The following LRRC20 variants were observed in gnomAD, a reference collection of about 807,000 sequenced individuals.
LRRC20 encodes the protein leucine-rich repeat-containing protein 20.
A neutral mutation model predicts 14.4 loss-of-function variants in LRRC20; 11 were observed. The ratio of observed to expected loss-of-function variants is 0.77; its 90% CI spans 0.48 to 1.27. The LOEUF is 1.27. Among genes scored for constraint, LRRC20 ranks in the 50% most tolerant of loss-of-function variants. The probability of loss-of-function intolerance (pLI) is 0.00; values close to 1 mark genes in which losing one functional copy is unlikely to be tolerated. For synonymous variants in LRRC20, 121 were observed against 107.3 expected (o/e 1.13, Z -0.79); for missense variants, 219 against 251.2 (o/e 0.87, Z 0.87).
intron 3 of LRRC20, among the ~76,000 whole-genome samples, chr10:70,337,820 C>A (rs1260798684): frequency 6.6e-6 from 1 of 152,186 alleles, no homozygotes; most frequent in Non-Finnish European, 1.5e-5. Flanking sequence ...GGTGGATTGG[C>A]CTTTGTTTCT....
intron 2 of LRRC20, among the ~76,000 whole-genome samples, chr10:70,368,271 C>T (rs1379457295): frequency 6.7e-6 from 1 of 149,772 alleles, no homozygotes; most frequent in Non-Finnish European, 1.5e-5. Flanking sequence ...GATTCTCCTG[C>T]CTCAGCCTCC....
chr10:70,301,642 C>T, intron 4 of LRRC20, 134 bp from the exon 5 acceptor site: 2 of 1,059,200 alleles, frequency 1.9e-6, no homozygotes, highest in Non-Finnish European at 2.7e-6. Flanking sequence ...GTGGGCTCAG[C>T]TCCTGGTGCC....
rs115857490 is a variant in LRRC20 at position 70,355,290 on chromosome 10, C to T, written c.83-14588G>A. Among the ~76,000 whole-genome samples the T allele has an allele frequency of 9.5e-3, 1,440 of 152,264 alleles. 26 individuals are homozygous for T. Among genetic ancestry groups the T allele is most frequent in the African/African-American group, 0.033 (1,359 of 41,520 alleles). Reference sequence around the variant, plus strand: ...TAAAAGGCTTAAGACAAAAAGCAGCCGGACTTGCTCCCTCTTGACAAATCC... The same window carrying T: ...TAAAAGGCTTAAGACAAAAAGCAGCTGGACTTGCTCCCTCTTGACAAATCC... On this transcript the variant is annotated intron_variant, in intron 2 of 4. Coordinates refer to ENST00000446961, the MANE Select transcript of LRRC20 (RefSeq NM_001278212.2).
Position 70,376,489 on chromosome 10 carries a change from CT to C in LRRC20, c.44del (p.Lys15ArgfsTer56), listed in dbSNP as rs1267222851. The part of the protein sequence containing the change: ...MGEAVARVAR[K>X]VNETVESGSD... The stretch of plus-strand genomic sequence containing the variant: ...AGCCGCTCTCCACCGTCTCGTTGAC[CT>C]TCCTTGCTACTCTGGCCACGGCCTC... On this transcript the variant is annotated frameshift_variant, in exon 2 of 5. Coordinates refer to ENST00000446961, the MANE Select transcript of LRRC20 (RefSeq NM_001278212.2). LOFTEE classifies it high-confidence loss of function. 2.5e-6 allele frequency: 4 copies of C among 1,613,986 alleles called. No homozygotes were observed. The Admixed American group carries it at 6.7e-5, about 27-fold the overall frequency.
intron 2 of LRRC20, among the ~76,000 whole-genome samples, chr10:70,349,423 C>T (rs549150233): frequency 2.6e-5 from 4 of 152,150 alleles, no homozygotes; most frequent in African/African-American, 9.6e-5. Context: ...AATAAAAATA[C>T]AAAAAGTAGT....
chr10:70,354,198 G>C lies in LRRC20; in HGVS notation c.83-13496C>G, dbSNP rs141400067. On this transcript the variant is annotated intron_variant, in intron 2 of 4. Transcript: ENST00000446961. ...TCCCAGAGAGTCTGATTTAATTAGT[G>C]GGGGCTGGGGCTTGGGAATGGAAGG... 2.9e-3 allele frequency among the ~76,000 whole-genome samples: 444 copies of C among 152,212 alleles called. 2 individuals are homozygous for C. Among genetic ancestry groups the C allele is most frequent in the African/African-American group, 0.01 (429 of 41,510 alleles).
intron 1 of LRRC20, among the ~76,000 whole-genome samples, chr10:70,376,989 T>G (rs368989199): frequency 6.6e-6 from 1 of 152,136 alleles, no homozygotes; most frequent in Admixed American, 6.6e-5. Context: ...CACCTGTCCC[T>G]CCATCCCACA....
intron 2 of LRRC20, among the ~76,000 whole-genome samples, chr10:70,371,483 A>G (rs985483463): frequency 6.6e-6 from 1 of 152,084 alleles, no homozygotes; most frequent in African/African-American, 2.4e-5. Flanking sequence ...ATTCTTTAAA[A>G]GCCAGTCCCC....
chr10:70,355,404 A>G (rs1441733195), intron 2 of LRRC20, among the ~76,000 whole-genome samples: 1 of 152,050 alleles, frequency 6.6e-6, no homozygotes, highest in East Asian at 1.9e-4. Flanking sequence ...TTCCTGTCTC[A>G]TGCCCCTTAT....
chr10:70,327,560 T>C (rs1388025992), intron 3 of LRRC20, among the ~76,000 whole-genome samples: 2 of 148,110 alleles, frequency 1.4e-5, no homozygotes, highest in East Asian at 2.0e-4. Flanking sequence ...CAGCCTGGGC[T>C]ACAAAGTGAG....
intron 2 of LRRC20, among the ~76,000 whole-genome samples, chr10:70,354,784 A>G (rs1298678887): frequency 6.6e-6 from 1 of 152,174 alleles, no homozygotes; most frequent in African/African-American, 2.4e-5. Flanking sequence ...CAGCAGAGAC[A>G]GAGTCTCTTC....
At chr10:70,343,981 T>C (rs1344733304) in intron 2 of LRRC20, among the ~76,000 whole-genome samples, 1 of 152,186 alleles carries the variant, frequency 6.6e-6, no homozygotes, top group Non-Finnish European at 1.5e-5. Flanking sequence ...GAAGGATTGC[T>C]TGAGCCCAGG....
chr10:70,331,877 C>T (rs1222478502), intron 3 of LRRC20, among the ~76,000 whole-genome samples: 6 of 152,214 alleles, frequency 3.9e-5, no homozygotes, highest in African/African-American at 1.2e-4. Context: ...CCTCTTATTA[C>T]TTCCTGTACC....
rs912379917 is a variant in LRRC20 at position 70,361,003 on chromosome 10, T to C, written c.82+15449A>G. Among the ~76,000 whole-genome samples, 4 of 146,690 alleles carry C rather than the reference T, an allele frequency of 2.7e-5. No homozygotes were observed. The South Asian group carries it at 6.4e-4, about 23-fold the overall frequency. On this transcript the variant is annotated intron_variant, in intron 2 of 4. Coordinates refer to ENST00000446961, the MANE Select transcript of LRRC20 (RefSeq NM_001278212.2). ...CGGTTGAGGCTGCAGTGAGCTATGA[T>C]CATGCCACTGCACCCGACTGGAAGA...
intron 2 of LRRC20, among the ~76,000 whole-genome samples, chr10:70,347,484 T>A (rs1843117154): frequency 6.6e-6 from 1 of 152,004 alleles, no homozygotes; most frequent in Non-Finnish European, 1.5e-5. Flanking sequence ...CTACACACCA[T>A]CCCAACCTCA....
intron 4 of LRRC20, among the ~76,000 whole-genome samples, chr10:70,323,361 G>A (rs1842171596): frequency 6.6e-6 from 1 of 152,182 alleles, no homozygotes; most frequent in East Asian, 1.9e-4. Context: ...CAGACCCCTG[G>A]TTCCCTGGTG....
intron 3 of LRRC20, among the ~76,000 whole-genome samples, chr10:70,338,915 C>A (rs968582651): frequency 6.6e-6 from 1 of 151,644 alleles, no homozygotes; most frequent in Non-Finnish European, 1.5e-5. Flanking sequence ...CCTGCCTCAG[C>A]CTCCCAAAGT....
At chr10:70,361,131 C>T (rs1290760326) in intron 2 of LRRC20, among the ~76,000 whole-genome samples, 4 of 151,852 alleles carry the variant, frequency 2.6e-5, no homozygotes, top group African/African-American at 9.7e-5. Context: ...AATCTCAGCA[C>T]AAGATTTTAA....
chr10:70,331,049 C>T (rs557430375), intron 3 of LRRC20, among the ~76,000 whole-genome samples: 1 of 152,178 alleles, frequency 6.6e-6, no homozygotes, highest in South Asian at 2.1e-4. Flanking sequence ...GGGTCCCCAT[C>T]CGTGAAGACG....
Sources: allele counts gnomAD v4.1 joint callset (sites outside exome capture counted in the v4.1 genomes callset), GRCh38; gene constraint gnomAD v4.1.1; transcripts MANE v1.5; gene names NCBI Gene and HGNC (gene_info 2026-07-23, HGNC 2026-07-21).